Variants in PARG observed in about 807,000 individuals in gnomAD.
The protein encoded by PARG is poly(ADP-ribose) glycohydrolase.
PARG carries 35 observed loss-of-function variants against 113.0 expected under a neutral mutation model. That is an observed-to-expected ratio of 0.31 (90% CI 0.24 to 0.41). The LOEUF (loss-of-function observed/expected upper bound fraction) is 0.41, where lower values mean the gene tolerates loss of function less well. Ranked by LOEUF, PARG falls within the 10% of genes least tolerant of loss-of-function variation. PARG has a pLI of 1.00. For missense variants in PARG, 797 were observed against 1,169.4 expected, an observed-to-expected ratio of 0.68 and a Z score of 4.64; for synonymous variants, 330 against 409.9, an observed-to-expected ratio of 0.81 and a Z score of 2.36.
chr10:49,908,264 A>C (rs1836968619), intron 7 of PARG, among the ~76,000 whole-genome samples: 1 of 152,208 alleles, frequency 6.6e-6, no homozygotes, highest in Non-Finnish European at 1.5e-5. Flanking sequence ...ATAAATCATA[A>C]ATATGAGACC....
At chr10:49,820,598 T>C (rs1588852571) in intron 16 of PARG, among the ~76,000 whole-genome samples, 1 of 151,790 alleles carries the variant, frequency 6.6e-6, no homozygotes, top group East Asian at 1.9e-4. Flanking sequence ...GGCAGGTGAC[T>C]GTAATCCCAG....
intron 13 of PARG, among the ~76,000 whole-genome samples, chr10:49,852,045 C>T (rs1554834280): frequency 1.3e-5 from 2 of 152,072 alleles, no homozygotes; most frequent in African/African-American, 4.8e-5. Flanking sequence ...CAGATTCAGG[C>T]AGCACAGTCA....
chr10:49,912,683 G>A (rs535738862), intron 7 of PARG, among the ~76,000 whole-genome samples: 53 of 152,132 alleles, frequency 3.5e-4, no homozygotes, highest in South Asian at 6.2e-4. Flanking sequence ...ACGCTTTATA[G>A]GCCAGGCACA....
In PARG at chr10:49,937,814, A is replaced by C. The variant is rs1838826157; in HGVS notation, c.218-2672T>G. Among the ~76,000 whole-genome samples, 6 of 152,184 alleles carry C rather than the reference A, an allele frequency of 3.9e-5. No individual in the cohort carries two copies. In the South Asian group the frequency reaches 1.2e-3, roughly 32 times the overall value. On this transcript the variant is annotated intron_variant, in intron 1 of 17. Transcript: ENST00000616448. ...GAAGGGATGAAGGAGGAAAAGCAAG[A>C]GATAAGGAACCAGTATCTTCTGCTA...
chr10:49,841,691 C>T (rs1845245464), intron 15 of PARG, among the ~76,000 whole-genome samples: 1 of 152,200 alleles, frequency 6.6e-6, no homozygotes, highest in African/African-American at 2.4e-5. Flanking sequence ...CCCATAGCAG[C>T]TAAGGTACTT....
chr10:49,924,780 G>A (rs547078830), intron 4 of PARG, among the ~76,000 whole-genome samples: 2 of 151,986 alleles, frequency 1.3e-5, no homozygotes, highest in African/African-American at 4.8e-5. Flanking sequence ...TGAAAGAAAC[G>A]GAAGTATTTT....
At chr10:49,833,001 T>G in intron 15 of PARG, 93 bp from the exon 16 acceptor site, 1 of 561,908 alleles carries the variant, frequency 1.8e-6, no homozygotes. Flanking sequence ...ATTATCAAGC[T>G]TATGTTCAAT....
At chr10:49,896,792 C>T (rs2813045) in intron 7 of PARG, among the ~76,000 whole-genome samples, 4 of 152,266 alleles carry the variant, frequency 2.6e-5, no homozygotes, top group Non-Finnish European at 4.4e-5. Context: ...ATACTAGTAT[C>T]GGAGGTATAT....
chr10:49,904,123 A>G (rs1848467286), intron 7 of PARG, among the ~76,000 whole-genome samples: 1 of 151,694 alleles, frequency 6.6e-6, no homozygotes, highest in Non-Finnish European at 1.5e-5. Context: ...AGATGAGCAG[A>G]AAAAGGTGGC....
chr10:49,927,369 G>GGAAAGAAAGAAAGAAA lies in PARG; in HGVS notation c.1455+4715_1456-4701dup, dbSNP rs200282973. On this transcript the variant is annotated intron_variant, in intron 4 of 17. Coordinates refer to ENST00000616448, the MANE Select transcript of PARG (RefSeq NM_003631.5). Reference sequence around the variant, plus strand: ...AGGAAGGAAAGAAAGAAGGAAAGAAGGAAAGAAAGAAAGAAAGAAAGAAAG... The same window carrying GGAAAGAAAGAAAGAAA: ...AGGAAGGAAAGAAAGAAGGAAAGAAGGAAAGAAAGAAAGAAAGAAAGAAAGAAAGAAAGAAAGAAAG... Among the ~76,000 whole-genome samples the GGAAAGAAAGAAAGAAA allele has an allele frequency of 7.2e-3, 946 of 130,752 alleles. 10 individuals are homozygous for GGAAAGAAAGAAAGAAA. The highest frequency in any genetic ancestry group is 0.023 in the African/African-American group (758 of 32,868). The allele number at this position is 130,752 out of a possible 152,430, so 85.8% of individuals were successfully genotyped here. A position where few individuals can be genotyped will look rare whatever the true frequency, so the allele number is the denominator to read the frequency against.
chr10:49,866,662 A>G (rs1444610896), intron 10 of PARG, among the ~76,000 whole-genome samples: 1 of 151,968 alleles, frequency 6.6e-6, no homozygotes, highest in African/African-American at 2.4e-5. Context: ...ACTGCTGGCA[A>G]AGCAAGAAAA....
intron 6 of PARG, among the ~76,000 whole-genome samples, chr10:49,919,571 T>C (rs1345443395): frequency 2.6e-5 from 4 of 152,056 alleles, no homozygotes; most frequent in Non-Finnish European, 4.4e-5. Context: ...GTAATCCCAG[T>C]ACTTTGGGAG....
At chr10:49,893,001 C>A (rs1398752919) in intron 7 of PARG, among the ~76,000 whole-genome samples, 2 of 152,174 alleles carry the variant, frequency 1.3e-5, no homozygotes, top group African/African-American at 4.8e-5. Context: ...CCTGGGCTGT[C>A]CCCAGGTTTT....
intron 7 of PARG, chr10:49,909,714 T>C (rs1554845746): frequency 6.4e-6 from 1 of 156,682 alleles, no homozygotes; most frequent in East Asian, 1.8e-4. Flanking sequence ...AAGGTGCTTA[T>C]GCTCAAAATG....
chr10:49,911,541 G>A (rs1311969122), intron 7 of PARG, among the ~76,000 whole-genome samples: 1 of 152,208 alleles, frequency 6.6e-6, no homozygotes, highest in Non-Finnish European at 1.5e-5. Context: ...TATTAGCCCT[G>A]AAGTTGCAGA....
At chr10:49,916,878 G>A (rs1422452782) in intron 6 of PARG, among the ~76,000 whole-genome samples, 1 of 152,046 alleles carries the variant, frequency 6.6e-6, no homozygotes, top group African/African-American at 2.4e-5. Flanking sequence ...AGGCACACAG[G>A]TCTGAAAACC....
intron 7 of PARG, among the ~76,000 whole-genome samples, chr10:49,902,381 A>C (rs1386544527): frequency 6.6e-6 from 1 of 152,224 alleles, no homozygotes; most frequent in African/African-American, 2.4e-5. Context: ...GTACGTAGCT[A>C]TATCACATAA....
chr10:49,853,434 T>C (rs1339586838), intron 13 of PARG, among the ~76,000 whole-genome samples: 1 of 151,938 alleles, frequency 6.6e-6, no homozygotes, highest in Non-Finnish European at 1.5e-5. Context: ...ATGAGACCAA[T>C]AGCCAAAGTG....
intron 7 of PARG, among the ~76,000 whole-genome samples, chr10:49,900,042 T>A (rs1344716143): frequency 1.3e-5 from 2 of 151,370 alleles, no homozygotes; most frequent in Non-Finnish European, 2.9e-5. Context: ...CGGGCTGCTA[T>A]ACAGACACTT....
Sources: allele counts gnomAD v4.1 joint callset (sites outside exome capture counted in the v4.1 genomes callset), GRCh38; gene constraint gnomAD v4.1.1; transcripts MANE v1.5; gene names NCBI Gene and HGNC (gene_info 2026-07-23, HGNC 2026-07-21).